SLC43A2: variants seen among roughly 807,000 people sequenced by gnomAD.
The protein encoded by SLC43A2 is large neutral amino acids transporter small subunit 4.
In SLC43A2, 38 loss-of-function variants were observed where a neutral mutation model predicts 63.2. The observed-to-expected ratio is 0.60, with a 90% confidence interval of 0.46 to 0.79. The LOEUF is 0.79. Among genes scored for constraint, SLC43A2 ranks in the 30% least tolerant of loss-of-function variants. SLC43A2 has a pLI of 0.00. For synonymous variants in SLC43A2, 322 were observed against 331.0 expected, an observed-to-expected ratio of 0.97 and a Z score of 0.30; for missense variants, 644 against 756.2, an observed-to-expected ratio of 0.85 and a Z score of 1.74.
In SLC43A2 at chr17:1,593,179, GT is replaced by G; in HGVS notation, c.594+7del. On this transcript the variant is annotated splice_region_variant and intron_variant, in intron 6 of 13. Coordinates refer to ENST00000301335, the MANE Select transcript of SLC43A2 (RefSeq NM_152346.3). The surrounding 1 kb of genome is among the most constrained non-coding windows in gnomAD (Gnocchi z 5.3). ...GCACAGACACCAGTGCAAAATACAC[GT>G]GCTCACCTTGATTCCTGGAAAGGTG... 2.5e-6 allele frequency: 4 copies of G among 1,612,568 alleles called. No individual in the cohort carries two copies. The highest frequency in any genetic ancestry group is 3.4e-6 in the Non-Finnish European group (4 of 1,179,164).
chr17:1,613,969 C>T (rs563147290), intron 4 of SLC43A2, among the ~76,000 whole-genome samples: 12 of 152,062 alleles, frequency 7.9e-5, no homozygotes, highest in African/African-American at 1.4e-4. Context: ...TGAAGCCAGG[C>T]GCGGTGGCTC....
intron 2 of SLC43A2, 116 bp from the exon 3 acceptor site, chr17:1,616,885 G>T (rs914217553): frequency 2.6e-6 from 3 of 1,169,206 alleles, no homozygotes; most frequent in Non-Finnish European, 3.6e-6. Flanking sequence ...GCTGGCTGGC[G>T]GCCTCTCGAG....
At chr17:1,609,305 G>A (rs9905733) in intron 5 of SLC43A2, among the ~76,000 whole-genome samples, 26,881 of 151,948 alleles carry the variant, frequency 0.18, 2,431 homozygotes, top group South Asian at 0.23. Context: ...GGGTTCAAGC[G>A]ATTCTCCTGC....
intron 9 of SLC43A2, 93 bp from the exon 10 acceptor site, chr17:1,586,144 G>C (rs1453658828): frequency 1.7e-5 from 25 of 1,472,100 alleles, no homozygotes; most frequent in Non-Finnish European, 2.1e-5. Context: ...GTCCCCACAG[G>C]CTCTTCTGGG....
chr17:1,584,050 CTT>C (rs1239999315), intron 10 of SLC43A2, among the ~76,000 whole-genome samples: 6 of 152,010 alleles, frequency 3.9e-5, no homozygotes, highest in Non-Finnish European at 5.9e-5. Flanking sequence ...CACGCGCCAC[CTT>C]ACCCGGCTAA....
At position 1,572,634 on chromosome 17, in the gene SLC43A2, G is replaced by A. The variant is rs2075862857; in HGVS notation, c.*2970C>T. 6.6e-6 allele frequency: 1 copy of A among 152,358 alleles called. No individual in the cohort carries two copies. Among genetic ancestry groups the A allele is most frequent in the South Asian group, 2.1e-4 (1 of 4,842 alleles). The allele number at this position is 152,358 out of a possible 1,614,324, so 9.4% of individuals were successfully genotyped here. A position where few individuals can be genotyped will look rare whatever the true frequency, so the allele number is the denominator to read the frequency against. Reference sequence around the variant, plus strand: ...TGACCCCTGACTAGGGGGTGGGAGTGCAGGGGGCACCCGACCCATCTGGCC... The same window carrying A: ...TGACCCCTGACTAGGGGGTGGGAGTACAGGGGGCACCCGACCCATCTGGCC... On this transcript the variant is annotated 3_prime_UTR_variant, in exon 14 of 14. Coordinates refer to ENST00000301335, the MANE Select transcript of SLC43A2 (RefSeq NM_152346.3).
chr17:1,623,371 A>T (rs1488163115), intron 2 of SLC43A2, among the ~76,000 whole-genome samples: 1 of 152,140 alleles, frequency 6.6e-6, no homozygotes, highest in Non-Finnish European at 1.5e-5. Context: ...CTTCATGCCC[A>T]TGGTCAGACT....
chr17:1,604,955 C>T lies in SLC43A2; in HGVS notation c.501+8240G>A, dbSNP rs894939254. On this transcript the variant is annotated intron_variant, in intron 5 of 13. Coordinates refer to ENST00000301335, the MANE Select transcript of SLC43A2 (RefSeq NM_152346.3). ...CCGCGGTGCCGGAGTGAGGGCTGAGCGCTGAGCAGAGCGCCCTAGCGCGGG... is the reference window on the plus strand; with the variant it reads ...CCGCGGTGCCGGAGTGAGGGCTGAGTGCTGAGCAGAGCGCCCTAGCGCGGG... The T allele has an allele frequency of 1.9e-5, 28 of 1,498,728 alleles. No individual in the cohort carries two copies. In the Admixed American group the frequency reaches 2.0e-4, roughly 11 times the overall value. The allele number at this position is 1,498,728 out of a possible 1,614,324, so 92.8% of individuals were successfully genotyped here.
At position 1,605,263 on chromosome 17, in the gene SLC43A2, T is replaced by G; in HGVS notation, c.501+7932A>C. On this transcript the variant is annotated intron_variant, in intron 5 of 13. Transcript: ENST00000301335. This position sits in a 1 kb window ranked among gnomAD's most constrained non-coding sequence, Gnocchi z 4.9. ...CTCTTTCAGCCCCCTGGCTGCAGCA[T>G]AAACAGGCCGGACTGTGTGACCTTC... is the stretch of plus-strand genomic sequence containing the variant. The G allele has an allele frequency of 9.3e-7, 1 of 1,069,868 alleles. No individual in the cohort carries two copies. The highest frequency in any genetic ancestry group is 1.7e-5 in the African/African-American group (1 of 59,630). 66.3% of individuals were successfully genotyped at this position (1,069,868 alleles called of 1,614,324 possible).
intron 9 of SLC43A2, among the ~76,000 whole-genome samples, chr17:1,589,375 G>A (rs182083150): frequency 7.5e-4 from 114 of 152,026 alleles, no homozygotes; most frequent in African/African-American, 2.6e-3. Context: ...GAGGCCAAGA[G>A]GGGAGGATCC....
chr17:1,594,661 C>T (rs1456822981), intron 5 of SLC43A2, among the ~76,000 whole-genome samples: 5 of 143,156 alleles, frequency 3.5e-5, no homozygotes, highest in Non-Finnish European at 6.1e-5. Context: ...TATCTCGGCT[C>T]ACTGCAAGCT....
intron 2 of SLC43A2, among the ~76,000 whole-genome samples, chr17:1,618,709 G>T (rs1478854064): frequency 6.6e-6 from 1 of 152,268 alleles, no homozygotes; most frequent in Non-Finnish European, 1.5e-5. Context: ...ACAGGGCCAG[G>T]TGTGGCGGCT....
intron 2 of SLC43A2, among the ~76,000 whole-genome samples, chr17:1,623,248 G>A (rs995645124): frequency 2.0e-5 from 3 of 152,214 alleles, no homozygotes; most frequent in East Asian, 1.9e-4. Context: ...CCCTTGCAGC[G>A]ATCTCTGTGC....
rs1484013884 is a variant in SLC43A2 at position 1,569,414 on chromosome 17, C to A, written c.*6190G>T. ...GGTACGGATTAACCCTTCAGGCTCC[C>A]TTCCGAGGGCCTGGGCGGGGTCTTG... On this transcript the variant is annotated 3_prime_UTR_variant, in exon 14 of 14. Coordinates refer to ENST00000301335, the MANE Select transcript of SLC43A2 (RefSeq NM_152346.3). The A allele has an allele frequency of 1.3e-5, 2 of 152,252 alleles. No homozygotes were observed. Among genetic ancestry groups the A allele is most frequent in the Non-Finnish European group, 2.9e-5 (2 of 68,064 alleles). The allele number at this position is 152,252 out of a possible 1,614,324, so 9.4% of individuals were successfully genotyped here.
chr17:1,609,739 A>G (rs1567639423), intron 5 of SLC43A2, among the ~76,000 whole-genome samples: 2 of 152,134 alleles, frequency 1.3e-5, no homozygotes, highest in Non-Finnish European at 2.9e-5. Flanking sequence ...ACTGCTTAAT[A>G]ATAAGGCAGA....
Position 1,585,637 on chromosome 17 carries a change from C to T in SLC43A2, c.1217+276G>A, listed in dbSNP as rs1032409188. 1.7e-5 allele frequency: 23 copies of T among 1,332,852 alleles called. No homozygotes were observed. The African/African-American group carries it at 2.8e-4, about 16-fold the overall frequency. The allele number at this position is 1,332,852 out of a possible 1,614,324, so 82.6% of individuals were successfully genotyped here. ...TCCTGGCCTCAAGTGATCTTCCTAC[C>T]CCAGCCTTTCAAAGTGCTGGGATTA... On this transcript the variant is annotated intron_variant, in intron 10 of 13. Coordinates refer to ENST00000301335, the MANE Select transcript of SLC43A2 (RefSeq NM_152346.3).
In SLC43A2 at chr17:1,606,158, G is replaced by T. The variant is rs751678516; in HGVS notation, c.501+7037C>A. 6.6e-6 allele frequency among the ~76,000 whole-genome samples: 1 copy of T among 151,544 alleles called. No individual in the cohort carries two copies. Among genetic ancestry groups the T allele is most frequent in the African/African-American group, 2.4e-5 (1 of 41,186 alleles). On this transcript the variant is annotated intron_variant, in intron 5 of 13. Coordinates refer to ENST00000301335, the MANE Select transcript of SLC43A2 (RefSeq NM_152346.3). The surrounding 1 kb of genome is among the most constrained non-coding windows in gnomAD (Gnocchi z 4.7). ...CCTCCAGAGCTGGCCGGGGGCCACC[G>T]CGGGACCCTCTCCTGGACCCTCCAG... is the stretch of plus-strand genomic sequence containing the variant.
chr17:1,593,187 C>T lies in SLC43A2; in HGVS notation c.594G>A (p.Lys198=). Residue 198 remains lysine (K), a splice_region_variant and synonymous_variant, in exon 6 of 14, where the codon AAG becomes AAA. Transcript: ENST00000301335. This position sits in a 1 kb window ranked among gnomAD's most constrained non-coding sequence, Gnocchi z 5.3. ...ACCAGTGCAAAATACACGTGCTCAC[C>T]TTGATTCCTGGAAAGGTGACTGCCG... ...ASSAVTFPGI[K]LIYDAGVSFI... The T allele has an allele frequency of 6.2e-7, 1 of 1,613,528 alleles. No individual in the cohort carries two copies. The highest frequency in any genetic ancestry group is 1.7e-5 in the Admixed American group (1 of 59,944).
At chr17:1,628,228 C>G (rs1252991785) in intron 1 of SLC43A2, 1 of 195,458 alleles carries the variant, frequency 5.1e-6, no homozygotes, top group Admixed American at 6.1e-5. Flanking sequence ...ATGCTCAGGG[C>G]CGTGGAACTA....
Sources: gnomAD v4.1 joint callset for allele counts (sites outside exome capture counted in the v4.1 genomes callset) on GRCh38, gnomAD v4.1.1 for gene constraint, Gnocchi (gnomAD v3.1) non-coding constraint, MANE v1.5 for transcripts, NCBI Gene and HGNC (gene_info 2026-07-23, HGNC 2026-07-21) for gene names.